Variants in KCNK13 observed in about 807,000 individuals in gnomAD.
The protein encoded by KCNK13 is potassium two pore domain channel subfamily K member 13, also known as potassium channel subfamily K member 13.
In KCNK13, 12 loss-of-function variants were observed where a neutral mutation model predicts 23.4. That is an observed-to-expected ratio of 0.51 (90% CI 0.33 to 0.83). The LOEUF is 0.83. KCNK13 is among the 40% of genes least tolerant of loss of function. The pLI is 0.02. For missense variants in KCNK13, 463 were observed against 556.3 expected (o/e 0.83, Z 1.69); for synonymous variants, 231 against 229.5 (o/e 1.01, Z -0.06).
At chr14:90,120,990 T>C (rs759965591) in intron 1 of KCNK13, among the ~76,000 whole-genome samples, 1 of 151,888 alleles carries the variant, frequency 6.6e-6, no homozygotes, top group Non-Finnish European at 1.5e-5. Context: ...GCTTGGGAGG[T>C]TATTGCAGTT....
intron 1 of KCNK13, among the ~76,000 whole-genome samples, chr14:90,115,797 C>T (rs887791178): frequency 1.1e-4 from 17 of 152,198 alleles, no homozygotes; most frequent in South Asian, 4.1e-4. Flanking sequence ...TTCTTTTATG[C>T]CCAGGCAATT....
intron 1 of KCNK13, among the ~76,000 whole-genome samples, chr14:90,091,941 T>TA (rs1889350437): frequency 6.6e-6 from 1 of 151,604 alleles, no homozygotes; most frequent in Non-Finnish European, 1.5e-5. Flanking sequence ...TTTTTTTTTT[T>TA]TTTGAGACAG....
intron 1 of KCNK13, among the ~76,000 whole-genome samples, chr14:90,105,784 C>G (rs1381012622): frequency 1.3e-5 from 2 of 152,118 alleles, no homozygotes; most frequent in Non-Finnish European, 2.9e-5. Flanking sequence ...GCTGTAATTT[C>G]TGCATACGAA....
chr14:90,147,762 T>C (rs1890089312), intron 1 of KCNK13, among the ~76,000 whole-genome samples: 1 of 152,212 alleles, frequency 6.6e-6, no homozygotes. Context: ...ATTAATTATA[T>C]GCTGTGAGGT....
intron 1 of KCNK13, among the ~76,000 whole-genome samples, chr14:90,081,617 A>G (rs1889213568): frequency 6.6e-6 from 1 of 152,254 alleles, no homozygotes; most frequent in African/African-American, 2.4e-5. Context: ...TATTTAAGGT[A>G]TACAATTCTG....
intron 1 of KCNK13, among the ~76,000 whole-genome samples, chr14:90,105,884 C>G (rs1889538344): frequency 6.6e-6 from 1 of 152,308 alleles, no homozygotes; most frequent in African/African-American, 2.4e-5. Context: ...AAATCATTGT[C>G]CAGGCCTTGG....
chr14:90,105,247 G>T lies in KCNK13; in HGVS notation c.334+42708G>T, dbSNP rs557841580. On this transcript the variant is annotated intron_variant, in intron 1 of 1. Transcript: ENST00000282146. Reference sequence around the variant, plus strand: ...ATTGTCCAAGCTTGTTTCTGCTTTAGGCCCTTTTCTTCTCTCAGCCCTTTT... The same window carrying T: ...ATTGTCCAAGCTTGTTTCTGCTTTATGCCCTTTTCTTCTCTCAGCCCTTTT... 2.5e-4 allele frequency among the ~76,000 whole-genome samples: 38 copies of T among 152,078 alleles called. No homozygotes were observed. In the South Asian group the frequency reaches 7.3e-3, roughly 29 times the overall value.
chr14:90,121,032 T>C lies in KCNK13; in HGVS notation c.334+58493T>C, dbSNP rs1460936561. 5.4e-5 allele frequency among the ~76,000 whole-genome samples: 8 copies of C among 148,586 alleles called. No individual in the cohort carries two copies. The South Asian group carries it at 6.5e-4, about 12-fold the overall frequency. On this transcript the variant is annotated intron_variant, in intron 1 of 1. Coordinates refer to ENST00000282146, the MANE Select transcript of KCNK13 (RefSeq NM_022054.4). ...GGAGAGATGGTGGTAGCATTGGCCATAGGAGAAATTGACTGACTGGAGGAT... is the reference window on the plus strand; with the variant it reads ...GGAGAGATGGTGGTAGCATTGGCCACAGGAGAAATTGACTGACTGGAGGAT...
intron 1 of KCNK13, among the ~76,000 whole-genome samples, chr14:90,070,816 G>A (rs539077196): frequency 5.9e-5 from 9 of 152,314 alleles, no homozygotes; most frequent in Admixed American, 3.3e-4. Flanking sequence ...ATGTGTGGTC[G>A]TGGGGAATGA....
At chr14:90,070,973 C>T (rs1889067713) in intron 1 of KCNK13, among the ~76,000 whole-genome samples, 1 of 152,182 alleles carries the variant, frequency 6.6e-6, no homozygotes, top group Non-Finnish European at 1.5e-5. Flanking sequence ...TTGTTTCCTG[C>T]TGGGAACATT....
chr14:90,181,361 T>A (rs1890483481), intron 1 of KCNK13, among the ~76,000 whole-genome samples: 1 of 152,184 alleles, frequency 6.6e-6, no homozygotes, highest in Non-Finnish European at 1.5e-5. Context: ...GCAGGTTGAG[T>A]ATCTTGCGAG....
chr14:90,083,847 G>A (rs910949648), intron 1 of KCNK13, among the ~76,000 whole-genome samples: 1 of 152,166 alleles, frequency 6.6e-6, no homozygotes, highest in Non-Finnish European at 1.5e-5. Context: ...TTTGCATGTG[G>A]ATATCCAGTT....
chr14:90,126,467 C>T (rs977045548), intron 1 of KCNK13, among the ~76,000 whole-genome samples: 9 of 146,734 alleles, frequency 6.1e-5, no homozygotes, highest in African/African-American at 1.0e-4. Flanking sequence ...CGTGACGTGA[C>T]GTGACGTGAT....
Position 90,144,620 on chromosome 14 carries a change from C to G in KCNK13, c.335-39491C>G, listed in dbSNP as rs1032488893. On this transcript the variant is annotated intron_variant, in intron 1 of 1. Transcript: ENST00000282146. Reference sequence around the variant, plus strand: ...CAAGCCTCCCAAGTAGCTGGGATTACAGGAGCCCACCACCATGTCCTAGAG... The same window carrying G: ...CAAGCCTCCCAAGTAGCTGGGATTAGAGGAGCCCACCACCATGTCCTAGAG... Among the ~76,000 whole-genome samples, 17 of 148,916 alleles carry G rather than the reference C, an allele frequency of 1.1e-4. No homozygotes were observed. In the South Asian group the frequency reaches 3.7e-3, roughly 32 times the overall value.
chr14:90,094,280 C>T (rs1019168008), intron 1 of KCNK13, among the ~76,000 whole-genome samples: 2 of 152,176 alleles, frequency 1.3e-5, no homozygotes, highest in African/African-American at 4.8e-5. Flanking sequence ...ACATGACCTC[C>T]CAAAGTAATT....
At position 90,107,691 on chromosome 14, in the gene KCNK13, G is replaced by A. The variant is rs1037292578; in HGVS notation, c.334+45152G>A. ...CCTGTCAGCATGGCTCAAGAGTGTG[G>A]GAACTACAAAATCCAGCCTGGGAAG... On this transcript the variant is annotated intron_variant, in intron 1 of 1. Coordinates refer to ENST00000282146, the MANE Select transcript of KCNK13 (RefSeq NM_022054.4). 34 of 743,532 alleles carry A rather than the reference G, an allele frequency of 4.6e-5. No individual in the cohort carries two copies. The African/African-American group carries it at 5.0e-4, about 11-fold the overall frequency. The allele number at this position is 743,532 out of a possible 1,614,324, so 46.1% of individuals were successfully genotyped here.
intron 1 of KCNK13, among the ~76,000 whole-genome samples, chr14:90,080,931 C>A (rs1472082343): frequency 1.3e-5 from 2 of 152,208 alleles, no homozygotes; most frequent in Non-Finnish European, 2.9e-5. Flanking sequence ...CTTGGCACCA[C>A]CCCTGACAGT....
chr14:90,071,190 G>C (rs1288961281), intron 1 of KCNK13, among the ~76,000 whole-genome samples: 1 of 152,102 alleles, frequency 6.6e-6, no homozygotes, highest in Non-Finnish European at 1.5e-5. Flanking sequence ...AGGAGAGATG[G>C]GTTTGGTATG....
chr14:90,068,355 G>A (rs1374363186), intron 1 of KCNK13, among the ~76,000 whole-genome samples: 1 of 152,172 alleles, frequency 6.6e-6, no homozygotes, highest in Non-Finnish European at 1.5e-5. Context: ...AGCACTTTGG[G>A]AGGGGGAGGT....
Sources: allele counts gnomAD v4.1 joint callset (sites outside exome capture counted in the v4.1 genomes callset), GRCh38; gene constraint gnomAD v4.1.1; transcripts MANE v1.5; gene names NCBI Gene and HGNC (gene_info 2026-07-23, HGNC 2026-07-21).